The following NPHP4 variants were observed in gnomAD, a reference collection of about 807,000 sequenced individuals.
NPHP4 encodes the protein nephrocystin-4.
A neutral mutation model predicts 155.8 loss-of-function variants in NPHP4; 151 were observed. The ratio of observed to expected loss-of-function variants is 0.97; its 90% confidence interval spans 0.85 to 1.11. The LOEUF is 1.11. Among genes scored for constraint, NPHP4 ranks in the 50% least tolerant of loss-of-function variants. The pLI is 0.00. For missense variants in NPHP4, 1,956 were observed against 1,925.7 expected (o/e 1.02, Z -0.29); for synonymous variants, 845 against 816.8 (o/e 1.03, Z -0.59).
intron 9 of NPHP4, among the ~76,000 whole-genome samples, chr1:5,946,266 A>G (rs1462382715): frequency 6.6e-6 from 1 of 152,210 alleles, no homozygotes; most frequent in Non-Finnish European, 1.5e-5. Flanking sequence ...TGGGTTTCTC[A>G]AAGAATCTAC....
chr1:5,916,036 A>G (rs1645452163), intron 11 of NPHP4, among the ~76,000 whole-genome samples: 1 of 152,188 alleles, frequency 6.6e-6, no homozygotes, highest in South Asian at 2.1e-4. Flanking sequence ...CATGTTTGCA[A>G]TGACCCCTTC....
In NPHP4 at chr1:5,870,370, T is replaced by C. The variant is rs906987255; in HGVS notation, c.3316-2474A>G. The stretch of plus-strand genomic sequence containing the variant: ...TAGAAATTCATTGTTCATAAGGATA[T>C]AAAAAGTAAATAGGTGAATGGGGTG... On this transcript the variant is annotated intron_variant, in intron 23 of 29. Coordinates refer to ENST00000378156, the MANE Select transcript of NPHP4 (RefSeq NM_015102.5). 2.6e-5 allele frequency among the ~76,000 whole-genome samples: 4 copies of C among 152,114 alleles called. No individual in the cohort carries two copies. The South Asian group carries it at 6.2e-4, about 24-fold the overall frequency.
intron 29 of NPHP4, 107 bp from the exon 30 acceptor site, chr1:5,863,512 CA>C: frequency 7.1e-7 from 1 of 1,410,988 alleles, no homozygotes. Context: ...GCTGACAAGG[CA>C]GGGGAGCCCT....
chr1:5,923,804 A>G (rs1645863548), intron 11 of NPHP4, among the ~76,000 whole-genome samples: 1 of 152,252 alleles, frequency 6.6e-6, no homozygotes, highest in South Asian at 2.1e-4. Flanking sequence ...ATACAAAAAC[A>G]TTCAGTATCC....
intron 7 of NPHP4, 99 bp from the exon 8 acceptor site, chr1:5,948,350 A>G: frequency 1.2e-6 from 1 of 845,776 alleles, no homozygotes; most frequent in Non-Finnish European, 1.8e-6. Flanking sequence ...AAACTGGAGC[A>G]GAAGTTGCAG....
chr1:5,967,446 C>T (rs1651736376), intron 4 of NPHP4, 83 bp from the exon 5 acceptor site: 1 of 1,040,874 alleles, frequency 9.6e-7, no homozygotes, highest in Non-Finnish European at 1.5e-6. Flanking sequence ...CAGCCACCAC[C>T]ACGCCCACTA....
intron 5 of NPHP4, among the ~76,000 whole-genome samples, chr1:5,962,341 G>A (rs868121477): frequency 2.6e-5 from 4 of 152,096 alleles, no homozygotes; most frequent in South Asian, 4.1e-4. Flanking sequence ...CACCATGCCC[G>A]GCCTGGAGGT....
chr1:5,904,827 G>A (rs1345424686), intron 15 of NPHP4, 23 bp from the exon 16 acceptor site: 5 of 1,611,088 alleles, frequency 3.1e-6, no homozygotes, highest in South Asian at 1.1e-5. Context: ...ACAGCTCTGG[G>A]TTAACTGAGT....
At chr1:5,888,260 C>T in intron 17 of NPHP4, 15 of 862,370 alleles carry the variant, frequency 1.7e-5, no homozygotes, top group Non-Finnish European at 2.1e-5. Flanking sequence ...AACGCCAACA[C>T]TGTGAGGCAT....
At chr1:5,940,022 G>GC (rs1361938272) in intron 9 of NPHP4, among the ~76,000 whole-genome samples, 2 of 152,176 alleles carry the variant, frequency 1.3e-5, no homozygotes, top group Non-Finnish European at 2.9e-5. Context: ...CATCCCACGT[G>GC]CAAGAAAAAG....
At position 5,863,954 on chromosome 1, in the gene NPHP4, C is replaced by T. The variant is rs766202367; in HGVS notation, c.4076G>A (p.Arg1359Gln). ...GTCGCTGTGCAGGTGGAATGTCCTC[C>T]GGGAGGGGTAGGGGTTGGTGTAGGT... is the stretch of plus-strand genomic sequence containing the variant. The part of the protein sequence containing the change: ...RITYTNPYPS[R>Q]RTFHLHSDHP... Residue 1359 changes from arginine to glutamine, a missense_variant, in exon 29 of 30, where the codon CGG (arginine) becomes CAG (glutamine). Coordinates refer to ENST00000378156, the MANE Select transcript of NPHP4 (RefSeq NM_015102.5). 19 of 1,613,766 alleles carry T rather than the reference C, an allele frequency of 1.2e-5. No individual in the cohort carries two copies. The highest frequency in any genetic ancestry group is 2.2e-5 in the South Asian group (2 of 91,070).
intron 16 of NPHP4, among the ~76,000 whole-genome samples, chr1:5,891,423 A>T (rs896582613): frequency 1.3e-5 from 2 of 152,138 alleles, no homozygotes; most frequent in Non-Finnish European, 2.9e-5. Flanking sequence ...ACACAGGCAG[A>T]GCTCAAACCG....
chr1:5,977,845 G>C (rs566737129), intron 3 of NPHP4, among the ~76,000 whole-genome samples: 5 of 124,332 alleles, frequency 4.0e-5, no homozygotes. Context: ...CAGGAGGGAG[G>C]GAAGAAAGGA....
chr1:5,899,429 C>T (rs563003960), intron 16 of NPHP4, among the ~76,000 whole-genome samples: 9 of 152,040 alleles, frequency 5.9e-5, no homozygotes, highest in Admixed American at 1.3e-4. Flanking sequence ...ATGATCCCAC[C>T]GAAGTCCAAA....
rs758027783 is a variant in NPHP4, at chr1:5,969,110, A to G, written c.429T>C (p.Pro143=). The G allele has an allele frequency of 6.4e-7, 1 of 1,550,716 alleles. No individual in the cohort carries two copies. The highest frequency in any genetic ancestry group is 1.2e-5 in the South Asian group (1 of 84,040). ...ACCTTTTGTCCTGGGAAGCAGAGAT[A>G]GGAGAGTCCGGCTGGTTGCTGAAGA... ...LRIFSNQPDS[P]ISASQDKRLR... is the part of the protein sequence containing the mutation. Residue 143 remains proline (P), a synonymous_variant, in exon 4 of 30, where the codon CCT becomes CCC. Transcript: ENST00000378156.
chr1:5,863,563 G>C, intron 29 of NPHP4, 158 bp from the exon 30 acceptor site: 2 of 792,974 alleles, frequency 2.5e-6, no homozygotes, highest in Non-Finnish European at 4.1e-6. Flanking sequence ...TCAGCGCCCG[G>C]TACAAGGATG....
In NPHP4 at chr1:5,889,372, A is replaced by C. The variant is rs1050056091; in HGVS notation, c.2304+1496T>G. Among the ~76,000 whole-genome samples the C allele has an allele frequency of 6.6e-6, 1 of 152,224 alleles. No homozygotes were observed. The highest frequency in any genetic ancestry group is 1.9e-4 in the East Asian group (1 of 5,198). On this transcript the variant is annotated intron_variant, in intron 17 of 29. Transcript: ENST00000378156. The surrounding 1 kb of genome is among the most constrained non-coding windows in gnomAD (Gnocchi z 4.2). ...CTCAGTTTTTCACGTTTTCTACCTA[A>C]GTTTTAAAGTTACAAGATTTTATTT...
chr1:5,906,060 G>A (rs1195640730), intron 13 of NPHP4, among the ~76,000 whole-genome samples: 2 of 152,138 alleles, frequency 1.3e-5, no homozygotes, highest in Admixed American at 6.5e-5. Flanking sequence ...TATTTCACGT[G>A]GCAATCCAAT....
chr1:5,956,250 G>T (rs1418063304), intron 6 of NPHP4, among the ~76,000 whole-genome samples: 1 of 152,240 alleles, frequency 6.6e-6, no homozygotes, highest in African/African-American at 2.4e-5. Flanking sequence ...GCTCCTGGAA[G>T]TGGCCCAGGC....
Sources: allele counts gnomAD v4.1 joint callset (sites outside exome capture counted in the v4.1 genomes callset), GRCh38; gene constraint gnomAD v4.1.1; non-coding constraint Gnocchi (gnomAD v3.1); transcripts MANE v1.5; gene names NCBI Gene and HGNC (gene_info 2026-07-23, HGNC 2026-07-21).